The following SORCS1 variants were observed in gnomAD, a reference collection of about 807,000 sequenced individuals.
The protein encoded by SORCS1 is VPS10 domain-containing receptor SorCS1.
Under a neutral mutation model 146.1 loss-of-function variants are expected in SORCS1, and 60 were observed. The observed-to-expected ratio is 0.41, with a 90% CI of 0.33 to 0.51. SORCS1 has a LOEUF of 0.51. Among genes scored for constraint, SORCS1 ranks in the 20% least tolerant of loss-of-function variants. The pLI is 0.21. For missense variants in SORCS1, 1,352 were observed against 1,487.6 expected (o/e 0.91, Z 1.50); for synonymous variants, 637 against 584.0 (o/e 1.09, Z -1.31).
At chr10:107,048,947 A>G (rs1959806302) in intron 1 of SORCS1, among the ~76,000 whole-genome samples, 1 of 152,158 alleles carries the variant, frequency 6.6e-6, no homozygotes, top group Non-Finnish European at 1.5e-5. Context: ...AGGGCAAAAG[A>G]GAGTGTCTGA....
intron 1 of SORCS1, among the ~76,000 whole-genome samples, chr10:106,965,212 A>G (rs1247759516): frequency 1.3e-5 from 2 of 152,098 alleles, no homozygotes; most frequent in Non-Finnish European, 2.9e-5. Context: ...TCAGCAGAGT[A>G]AAGAAAGGCC....
intron 17 of SORCS1, among the ~76,000 whole-genome samples, chr10:106,662,506 G>T (rs917208896): frequency 3.9e-5 from 6 of 152,010 alleles, no homozygotes; most frequent in African/African-American, 1.5e-4. Context: ...TTATGAAGGG[G>T]CTCACTCTCT....
chr10:106,945,020 G>A (rs1954260232), intron 2 of SORCS1, among the ~76,000 whole-genome samples: 1 of 150,988 alleles, frequency 6.6e-6, no homozygotes, highest in African/African-American at 2.4e-5. Context: ...CGAGAGGCTG[G>A]GATTACAGGC....
At chr10:106,978,672 C>T (rs1236960257) in intron 1 of SORCS1, among the ~76,000 whole-genome samples, 2 of 151,918 alleles carry the variant, frequency 1.3e-5, no homozygotes, top group African/African-American at 4.8e-5. Flanking sequence ...GTGGCGTGCA[C>T]CCGTAATCCC....
chr10:106,650,673 C>A lies in SORCS1; in HGVS notation c.2475+1709G>T, dbSNP rs117280145. ...ACCTGTTTAGCCAACACTTTCTACT[C>A]GGCCTTTTACTGGAAATCTGAAATC... On this transcript the variant is annotated intron_variant, in intron 18 of 25. Transcript: ENST00000263054. Among the ~76,000 whole-genome samples, 7 of 152,248 alleles carry A rather than the reference C, an allele frequency of 4.6e-5. No individual in the cohort carries two copies. The East Asian group carries it at 1.4e-3, about 29-fold the overall frequency.
chr10:106,607,428 T>C (rs1204830858), intron 22 of SORCS1, 131 bp from the exon 23 acceptor site: 3 of 1,229,382 alleles, frequency 2.4e-6, no homozygotes, highest in Non-Finnish European at 3.3e-6. Context: ...GGCCTGGGCA[T>C]ATCAGGCAGG....
intron 2 of SORCS1, among the ~76,000 whole-genome samples, chr10:106,838,886 CAGTGA>C (rs1412930731): frequency 6.6e-6 from 1 of 152,164 alleles, no homozygotes; most frequent in Non-Finnish European, 1.5e-5. Context: ...GATCCGTGAT[CAGTGA>C]TCTTTGATGT....
intron 1 of SORCS1, among the ~76,000 whole-genome samples, chr10:107,020,585 A>T (rs1304003164): frequency 6.6e-6 from 1 of 152,348 alleles, no homozygotes; most frequent in East Asian, 1.9e-4. Context: ...AGGTGCTTTC[A>T]GGGAATTCTG....
chr10:106,998,041 C>T lies in SORCS1; in HGVS notation c.559-41461G>A, dbSNP rs75041803. 1.2e-3 allele frequency among the ~76,000 whole-genome samples: 181 copies of T among 152,328 alleles called. 1 individual carries two copies. The highest frequency in any genetic ancestry group is 4.0e-3 in the African/African-American group (168 of 41,588). On this transcript the variant is annotated intron_variant, in intron 1 of 25. Transcript: ENST00000263054. ...GAAGACCTCACTTAAATGCAACAGA[C>T]GAGCAGCCTTGCAAATAGAAGAAGA...
chr10:107,137,084 T>C (rs1421103268), intron 1 of SORCS1, among the ~76,000 whole-genome samples: 2 of 152,194 alleles, frequency 1.3e-5, no homozygotes, highest in African/African-American at 4.8e-5. Flanking sequence ...ATGGGCCCTT[T>C]AACTCTTGGT....
intron 12 of SORCS1, among the ~76,000 whole-genome samples, chr10:106,678,646 G>A (rs1852213827): frequency 6.6e-6 from 1 of 152,170 alleles, no homozygotes; most frequent in Non-Finnish European, 1.5e-5. Flanking sequence ...TTAAATGCCT[G>A]TTTTGTAAGC....
rs1359794019 is a variant in SORCS1 at position 106,829,686 on chromosome 10, A to G, written c.627-13T>C. The G allele has an allele frequency of 1.3e-6, 2 of 1,591,324 alleles. No individual in the cohort carries two copies. The highest frequency in any genetic ancestry group is 1.7e-6 in the Non-Finnish European group (2 of 1,160,862). The stretch of plus-strand genomic sequence containing the variant: ...ATAATCGGTTGACCTATAATCCAAA[A>G]AGAGCATTAATGAGGACAGAAGTAT... On this transcript the variant is annotated splice_polypyrimidine_tract_variant and intron_variant, in intron 2 of 25. Coordinates refer to ENST00000263054, the MANE Select transcript of SORCS1 (RefSeq NM_052918.5).
At chr10:107,139,457 A>T (rs1283244657) in intron 1 of SORCS1, among the ~76,000 whole-genome samples, 1 of 152,236 alleles carries the variant, frequency 6.6e-6, no homozygotes, top group Non-Finnish European at 1.5e-5. Context: ...CCTGCAATCA[A>T]TTGGTGACTG....
chr10:106,770,607 C>T (rs889678279), intron 4 of SORCS1, among the ~76,000 whole-genome samples: 2 of 152,100 alleles, frequency 1.3e-5, no homozygotes. Flanking sequence ...TTTATTTGTC[C>T]TATGCAGTGC....
intron 2 of SORCS1, among the ~76,000 whole-genome samples, chr10:106,949,223 T>C (rs749113064): frequency 1.2e-4 from 18 of 152,152 alleles, no homozygotes; most frequent in Non-Finnish European, 2.4e-4. Flanking sequence ...GTTATCACAC[T>C]CTGGTTTTAT....
In SORCS1 at chr10:106,607,310, C is replaced by T; in HGVS notation, c.3034-13G>A. 1 of 1,613,410 alleles carries T rather than the reference C, an allele frequency of 6.2e-7. No homozygotes were observed. The highest frequency in any genetic ancestry group is 8.5e-7 in the Non-Finnish European group (1 of 1,179,792). ...GAACCCCTGTGGCCTGAGGGACAGA[C>T]ACAGGGGCTCACATTAGTGCTGCAG... On this transcript the variant is annotated splice_polypyrimidine_tract_variant and intron_variant, in intron 22 of 25. Coordinates refer to ENST00000263054, the MANE Select transcript of SORCS1 (RefSeq NM_052918.5).
At chr10:106,741,442 T>C (rs1421444815) in intron 5 of SORCS1, among the ~76,000 whole-genome samples, 2 of 151,958 alleles carry the variant, frequency 1.3e-5, no homozygotes, top group Non-Finnish European at 2.9e-5. Flanking sequence ...CTACTAAAAA[T>C]ACAAAAATTA....
At chr10:106,630,039 G>A (rs1000969575) in intron 18 of SORCS1, among the ~76,000 whole-genome samples, 32 of 152,098 alleles carry the variant, frequency 2.1e-4, no homozygotes, top group African/African-American at 7.0e-4. Flanking sequence ...GTGAGACTCC[G>A]TCTCAGAAAC....
intron 1 of SORCS1, among the ~76,000 whole-genome samples, chr10:106,989,076 T>C (rs1461670226): frequency 6.9e-6 from 1 of 144,400 alleles, no homozygotes; most frequent in Non-Finnish European, 1.5e-5. Context: ...TTGACCAACA[T>C]AGTGCAACCC....
Sources: allele counts gnomAD v4.1 joint callset (sites outside exome capture counted in the v4.1 genomes callset), GRCh38; gene constraint gnomAD v4.1.1; transcripts MANE v1.5; gene names NCBI Gene and HGNC (gene_info 2026-07-23, HGNC 2026-07-21).